CFAP299: variants seen among roughly 807,000 people sequenced by gnomAD.
CFAP299 encodes the protein cilia and flagella associated protein 299, also known as cilia- and flagella-associated protein 299.
Under a neutral mutation model 27.0 loss-of-function variants are expected in CFAP299, and 21 were observed. The observed-to-expected ratio is 0.78, with a 90% CI of 0.55 to 1.12. The LOEUF (loss-of-function observed/expected upper bound fraction) is 1.12. CFAP299 is among the 50% of genes most tolerant of loss of function. CFAP299 has a pLI of 0.00. For missense variants in CFAP299, 310 were observed against 276.6 expected (o/e 1.12, Z -0.86); for synonymous variants, 104 against 98.1 (o/e 1.06, Z -0.36).
Position 80,870,723 on chromosome 4 carries a change from T to C in CFAP299, c.476+588T>C. On this transcript the variant is annotated intron_variant, in intron 4 of 5. Coordinates refer to ENST00000358105, the MANE Select transcript of CFAP299 (RefSeq NM_152770.3). ...TAAATAGCATGCAAGCTAAAACTTT[T>C]TATTCCCTCTTACTTAACTATAGAA... The C allele has an allele frequency of 5.1e-6, 5 of 985,484 alleles. No homozygotes were observed. In the South Asian group the frequency reaches 2.3e-4, roughly 46 times the overall value. The allele number at this position is 985,484 out of a possible 1,614,324, so 61.0% of individuals were successfully genotyped here.
rs6829249 is a variant in CFAP299 at position 80,839,344 on chromosome 4, C to G, written c.334-30649C>G. Among the ~76,000 whole-genome samples the G allele has an allele frequency of 2.5e-3, 379 of 152,180 alleles. 5 individuals carry two copies. Among genetic ancestry groups the G allele is most frequent in the African/African-American group, 8.5e-3 (351 of 41,528 alleles). ...TCTAGAATGTCCTTAAAAACACTTA[C>G]TATGTATTATTCTCCTGTCCTACAT... On this transcript the variant is annotated intron_variant, in intron 3 of 5. Transcript: ENST00000358105.
At chr4:80,854,224 T>G (rs190284121) in intron 3 of CFAP299, among the ~76,000 whole-genome samples, 1 of 152,242 alleles carries the variant, frequency 6.6e-6, no homozygotes, top group African/African-American at 2.4e-5. Flanking sequence ...CAAGTAAAAT[T>G]TTTTAAAAAT....
At chr4:80,754,028 T>C (rs115894865) in intron 3 of CFAP299, among the ~76,000 whole-genome samples, 1,726 of 152,260 alleles carry the variant, frequency 0.011, 35 homozygotes, top group African/African-American at 0.039. Flanking sequence ...CTCCAGTCCA[T>C]GAGTTTTTTT....
rs574325854 is a variant in CFAP299 at position 80,348,996 on chromosome 4, T to G, written c.111+13117T>G. 1.2e-4 allele frequency among the ~76,000 whole-genome samples: 19 copies of G among 152,300 alleles called. No homozygotes were observed. The East Asian group carries it at 3.7e-3, about 29-fold the overall frequency. ...ACACGGTTGATGAAATAGTGATGAA[T>G]TGGTGTCTGGTCCTGGAGCCTGAAG... On this transcript the variant is annotated intron_variant, in intron 1 of 5. Coordinates refer to ENST00000358105, the MANE Select transcript of CFAP299 (RefSeq NM_152770.3).
intron 2 of CFAP299, among the ~76,000 whole-genome samples, chr4:80,516,905 A>C (rs2110169948): frequency 6.6e-6 from 1 of 152,290 alleles, no homozygotes; most frequent in South Asian, 2.1e-4. Context: ...TACTCAGCTT[A>C]TTATCACTGT....
chr4:80,957,283 C>G (rs371424968), intron 5 of CFAP299, among the ~76,000 whole-genome samples: 2 of 152,192 alleles, frequency 1.3e-5, no homozygotes, highest in Admixed American at 1.3e-4. Flanking sequence ...CAGCTCCTTA[C>G]AGTGCCATGA....
intron 2 of CFAP299, among the ~76,000 whole-genome samples, chr4:80,450,195 T>C (rs1167300303): frequency 6.6e-6 from 1 of 152,160 alleles, no homozygotes; most frequent in African/African-American, 2.4e-5. Flanking sequence ...CTCATATAAC[T>C]GCGAACTGTT....
At chr4:80,649,312 T>C (rs1305510247) in intron 3 of CFAP299, 6 of 152,194 alleles carry the variant, frequency 3.9e-5, no homozygotes, top group African/African-American at 1.2e-4. Flanking sequence ...TAAAGTGTTA[T>C]GGGAGACCCT....
At chr4:80,597,343 T>C (rs1737106812) in intron 3 of CFAP299, among the ~76,000 whole-genome samples, 1 of 152,202 alleles carries the variant, frequency 6.6e-6, no homozygotes, top group South Asian at 2.1e-4. Context: ...ATGTGTTTAT[T>C]GGTCATTTTA....
intron 3 of CFAP299, among the ~76,000 whole-genome samples, chr4:80,771,923 C>T (rs1023596271): frequency 7.9e-5 from 12 of 152,232 alleles, no homozygotes; most frequent in African/African-American, 2.4e-4. Context: ...CTTTGCTGAA[C>T]GATGACAGAC....
At chr4:80,915,391 C>A (rs764786909) in intron 4 of CFAP299, among the ~76,000 whole-genome samples, 3 of 151,534 alleles carry the variant, frequency 2.0e-5, no homozygotes, top group Non-Finnish European at 2.9e-5. Flanking sequence ...ATGTCCTTTT[C>A]TTTGTTTTTT....
chr4:80,429,553 A>G (rs559656016), intron 2 of CFAP299, among the ~76,000 whole-genome samples: 1 of 152,188 alleles, frequency 6.6e-6, no homozygotes, highest in African/African-American at 2.4e-5. Context: ...TTTAACTGTG[A>G]GCTCAATTTT....
chr4:80,336,343 G>A (rs1722140338), intron 1 of CFAP299, among the ~76,000 whole-genome samples: 1 of 152,110 alleles, frequency 6.6e-6, no homozygotes, highest in Non-Finnish European at 1.5e-5. Context: ...TGTTATATTG[G>A]GCGTTTGGGT....
chr4:80,451,639 C>T (rs1336944815), intron 2 of CFAP299, among the ~76,000 whole-genome samples: 1 of 152,082 alleles, frequency 6.6e-6, no homozygotes, highest in East Asian at 1.9e-4. Flanking sequence ...TTTAAAGTTT[C>T]CTTTGAATCT....
At chr4:80,799,279 T>C (rs1728088952) in intron 3 of CFAP299, among the ~76,000 whole-genome samples, 1 of 93,362 alleles carries the variant, frequency 1.1e-5, no homozygotes, top group African/African-American at 5.0e-5. Flanking sequence ...TATTTATATA[T>C]ATATTGTATA....
At chr4:80,428,854 T>C (rs1727662093) in intron 2 of CFAP299, among the ~76,000 whole-genome samples, 1 of 152,148 alleles carries the variant, frequency 6.6e-6, no homozygotes, top group African/African-American at 2.4e-5. Context: ...TGCATTCTTT[T>C]AAAATGAAAA....
rs1459544719 is a variant in CFAP299, at chr4:80,738,411, C to T, written c.334-131582C>T. 2.0e-5 allele frequency among the ~76,000 whole-genome samples: 3 copies of T among 151,958 alleles called. No individual in the cohort carries two copies. In the East Asian group the frequency reaches 5.8e-4, roughly 29 times the overall value. The stretch of plus-strand genomic sequence containing the variant: ...GTTTCCTTTATATATCGGCTTGGAC[C>T]AGTGTTGGATGTTTATGAATTTAAG... On this transcript the variant is annotated intron_variant, in intron 3 of 5. Coordinates refer to ENST00000358105, the MANE Select transcript of CFAP299 (RefSeq NM_152770.3).
At chr4:80,553,792 A>G (rs1175132183) in intron 2 of CFAP299, among the ~76,000 whole-genome samples, 2 of 152,064 alleles carry the variant, frequency 1.3e-5, no homozygotes, top group East Asian at 1.9e-4. Context: ...GGCTGCATGT[A>G]TGTCTTCTTT....
intron 3 of CFAP299, among the ~76,000 whole-genome samples, chr4:80,787,603 A>C (rs1381573634): frequency 6.6e-6 from 1 of 152,012 alleles, no homozygotes; most frequent in East Asian, 1.9e-4. Flanking sequence ...TTATGTGACC[A>C]ACAGGAAACC....
Sources: allele counts gnomAD v4.1 joint callset (sites outside exome capture counted in the v4.1 genomes callset), GRCh38; gene constraint gnomAD v4.1.1; transcripts MANE v1.5; gene names NCBI Gene and HGNC (gene_info 2026-07-23, HGNC 2026-07-21).